TIGAR: variants seen among roughly 807,000 people sequenced by gnomAD.
The protein encoded by TIGAR is TP53 induced glycolysis regulatory phosphatase.
In TIGAR, 7 loss-of-function variants were observed where a neutral mutation model predicts 17.9. The ratio of observed to expected loss-of-function variants is 0.39; its 90% CI spans 0.22 to 0.73. The LOEUF is 0.73. Ranked by LOEUF, TIGAR falls within the 30% of genes least tolerant of loss-of-function variation. The pLI, the probability that TIGAR is intolerant of heterozygous loss-of-function variation, is 0.42. For missense variants in TIGAR, 258 were observed against 327.4 expected, an observed-to-expected ratio of 0.79 and a Z score of 1.64; for synonymous variants, 94 against 108.6, an observed-to-expected ratio of 0.87 and a Z score of 0.84.
In TIGAR at chr12:4,357,885, C is replaced by T. The variant is rs958955594; in HGVS notation, c.*5194C>T. 4.6e-5 allele frequency among the ~76,000 whole-genome samples: 7 copies of T among 151,850 alleles called. No individual in the cohort carries two copies. Among genetic ancestry groups the T allele is most frequent in the South Asian group, 2.1e-4 (1 of 4,798 alleles). On this transcript the variant is annotated 3_prime_UTR_variant, in exon 6 of 6. Transcript: ENST00000179259. The stretch of plus-strand genomic sequence containing the variant: ...TTGGGAGGCCAAGGCGGGCAGATCA[C>T]GAGGTCAGGAGATAGAGACCATCCT...
At chr12:4,324,825 C>T (rs1169608802) in intron 1 of TIGAR, 18 of 556,720 alleles carry the variant, frequency 3.2e-5, no homozygotes, top group Non-Finnish European at 5.5e-5. Flanking sequence ...GTCGGATCCT[C>T]AGAAAAGTTC....
At chr12:4,348,715 C>T (rs1325660888) in intron 3 of TIGAR, among the ~76,000 whole-genome samples, 1 of 152,086 alleles carries the variant, frequency 6.6e-6, no homozygotes, top group African/African-American at 2.4e-5. Context: ...ACATATAAAA[C>T]AGTATGATGA....
At chr12:4,322,230 TA>T (rs1361687946) in intron 1 of TIGAR, among the ~76,000 whole-genome samples, 1 of 152,106 alleles carries the variant, frequency 6.6e-6, no homozygotes, top group Non-Finnish European at 1.5e-5. Context: ...CTCCTGACCT[TA>T]AGTGATCCGA....
chr12:4,358,367 G>A lies in TIGAR; in HGVS notation c.*5676G>A, dbSNP rs1220436259. Among the ~76,000 whole-genome samples the A allele has an allele frequency of 2.0e-5, 3 of 151,922 alleles. No homozygotes were observed. Among genetic ancestry groups the A allele is most frequent in the Admixed American group, 6.6e-5 (1 of 15,258 alleles). On this transcript the variant is annotated 3_prime_UTR_variant, in exon 6 of 6. Transcript: ENST00000179259. The stretch of plus-strand genomic sequence containing the variant: ...AATAATTACAGTAATGTGTATGTGC[G>A]TGTGTTTTGGTAATCTTTTATCTTG...
chr12:4,328,098 GC>G (rs1864566120), intron 1 of TIGAR, among the ~76,000 whole-genome samples: 1 of 152,206 alleles, frequency 6.6e-6, no homozygotes, highest in Admixed American at 6.5e-5. Context: ...CCCCATGTTT[GC>G]CCTGAATGCT....
intron 1 of TIGAR, among the ~76,000 whole-genome samples, chr12:4,323,130 G>A (rs1490492780): frequency 6.8e-6 from 1 of 147,876 alleles, no homozygotes; most frequent in Non-Finnish European, 1.5e-5. Context: ...GCTGGCTGTG[G>A]TGGTGCATGC....
intron 3 of TIGAR, among the ~76,000 whole-genome samples, chr12:4,340,810 A>C (rs1297249429): frequency 6.6e-6 from 1 of 152,230 alleles, no homozygotes; most frequent in Non-Finnish European, 1.5e-5. Context: ...TCTTCAATAA[A>C]TAGTGCTTGG....
intron 1 of TIGAR, among the ~76,000 whole-genome samples, chr12:4,328,578 A>ATT (rs1383839257): frequency 2.6e-4 from 35 of 137,190 alleles, no homozygotes; most frequent in East Asian, 8.5e-4. Flanking sequence ...AGTTCCATGT[A>ATT]TTTTTTTTTT....
intron 1 of TIGAR, chr12:4,324,785 C>T (rs993602933): frequency 1.8e-5 from 12 of 649,432 alleles, no homozygotes; most frequent in Non-Finnish European, 3.1e-5. Flanking sequence ...TGCGGAAGGT[C>T]CGCTTCTTCT....
In TIGAR at chr12:4,336,971, A is replaced by G. The variant is rs533791943; in HGVS notation, c.71-68A>G. On this transcript the variant is annotated intron_variant, in intron 2 of 5. Transcript: ENST00000179259. ...TAGATAAATGCAGCTTATATTTTCT[A>G]CATGTGATTTATACATCTCTGATAT... The G allele has an allele frequency of 7.2e-5, 101 of 1,396,478 alleles. No homozygotes were observed. In the African/African-American group the frequency reaches 1.2e-3, roughly 17 times the overall value. The allele number at this position is 1,396,478 out of a possible 1,614,324, so 86.5% of individuals were successfully genotyped here. A position where few individuals can be genotyped will look rare whatever the true frequency, so the allele number is the denominator to read the frequency against.
chr12:4,351,173 C>T (rs1307947087), intron 4 of TIGAR, 94 bp from the exon 5 acceptor site: 1 of 1,122,134 alleles, frequency 8.9e-7, no homozygotes, highest in Non-Finnish European at 1.3e-6. Flanking sequence ...TTAGCTTATT[C>T]CTGGGATGAA....
chr12:4,350,251 G>A (rs1415239445), intron 4 of TIGAR, among the ~76,000 whole-genome samples: 2 of 152,180 alleles, frequency 1.3e-5, no homozygotes, highest in African/African-American at 2.4e-5. Flanking sequence ...TGTAAATAAT[G>A]TCAAAATAAA....
chr12:4,356,783 G>A lies in TIGAR; in HGVS notation c.*4092G>A, dbSNP rs991780016. 2.6e-5 allele frequency among the ~76,000 whole-genome samples: 4 copies of A among 152,092 alleles called. No individual in the cohort carries two copies. The highest frequency in any genetic ancestry group is 4.8e-5 in the African/African-American group (2 of 41,390). On this transcript the variant is annotated 3_prime_UTR_variant, in exon 6 of 6. Coordinates refer to ENST00000179259, the MANE Select transcript of TIGAR (RefSeq NM_020375.3). The stretch of plus-strand genomic sequence containing the variant: ...TGCCTGTTTCTGTTAGGTTTAGTCC[G>A]AGGCCTAGCAGAGGGAATGGGCAGA...
rs1488282103 is a variant in TIGAR, at chr12:4,358,826, G to A, written c.*6135G>A. Among the ~76,000 whole-genome samples, 1 of 148,364 alleles carries A rather than the reference G, an allele frequency of 6.7e-6. No homozygotes were observed. Among genetic ancestry groups the A allele is most frequent in the East Asian group, 2.1e-4 (1 of 4,826 alleles). On this transcript the variant is annotated 3_prime_UTR_variant, in exon 6 of 6. Coordinates refer to ENST00000179259, the MANE Select transcript of TIGAR (RefSeq NM_020375.3). ...TTCATGTCCTTCCGTCTACTCCTTT[G>A]CCTTCCTTTGCCCTTCTTTTTTTCT...
At chr12:4,335,337 A>AT (rs767180815) in intron 2 of TIGAR, among the ~76,000 whole-genome samples, 296 of 144,258 alleles carry the variant, frequency 2.1e-3, no homozygotes, top group Middle Eastern at 0.011. Flanking sequence ...ATGCCCGGCC[A>AT]TTTTTTTTTT....
In TIGAR at chr12:4,354,146, A is replaced by C. The variant is rs1325020359; in HGVS notation, c.*1455A>C. ...GTTAAGGCTATAGTCACATATAGTC[A>C]AAATTTACTTTGACATCATTTTAAA... On this transcript the variant is annotated 3_prime_UTR_variant, in exon 6 of 6. Coordinates refer to ENST00000179259, the MANE Select transcript of TIGAR (RefSeq NM_020375.3). 6.6e-6 allele frequency: 1 copy of C among 152,432 alleles called. No individual in the cohort carries two copies. 9.4% of individuals were successfully genotyped at this position (152,432 alleles called of 1,614,324 possible).
At chr12:4,325,930 A>T (rs1864542270) in intron 1 of TIGAR, among the ~76,000 whole-genome samples, 1 of 152,220 alleles carries the variant, frequency 6.6e-6, no homozygotes, top group Non-Finnish European at 1.5e-5. Context: ...CCTCCTTTGT[A>T]GCACGCTGAG....
chr12:4,324,378 GA>G lies in TIGAR; in HGVS notation c.32+3076del, dbSNP rs1864513822. On this transcript the variant is annotated intron_variant, in intron 1 of 5. Coordinates refer to ENST00000179259, the MANE Select transcript of TIGAR (RefSeq NM_020375.3). ...GCCTTTATTAGCTGAGCCACTACTTGAGGGGGATGAAGCGGGAGGAGTGGGT... is the reference window on the plus strand; with the variant it reads ...GCCTTTATTAGCTGAGCCACTACTTGGGGGGATGAAGCGGGAGGAGTGGGT... The G allele has an allele frequency of 7.8e-6, 8 of 1,025,480 alleles. No homozygotes were observed. The East Asian group carries it at 1.9e-4, about 25-fold the overall frequency. The allele number at this position is 1,025,480 out of a possible 1,614,324, so 63.5% of individuals were successfully genotyped here.
chr12:4,352,841 A>G lies in TIGAR; in HGVS notation c.*150A>G. The G allele has an allele frequency of 1.5e-6, 1 of 660,820 alleles. No individual in the cohort carries two copies. The highest frequency in any genetic ancestry group is 2.5e-6 in the Non-Finnish European group (1 of 395,908). 40.9% of individuals were successfully genotyped at this position (660,820 alleles called of 1,614,324 possible). A position where few individuals can be genotyped will look rare whatever the true frequency, so the allele number is the denominator to read the frequency against. On this transcript the variant is annotated 3_prime_UTR_variant, in exon 6 of 6. Transcript: ENST00000179259. ...GGAACCATAGCCACATAAAACTTTA[A>G]TGGACAACCATATAGAATTAACTTA...
Sources: gnomAD v4.1 joint callset for allele counts (sites outside exome capture counted in the v4.1 genomes callset) on GRCh38, gnomAD v4.1.1 for gene constraint, MANE v1.5 for transcripts, NCBI Gene and HGNC (gene_info 2026-07-23, HGNC 2026-07-21) for gene names.